The following ADAM29 variants were observed in gnomAD, a reference collection of about 807,000 sequenced individuals.
ADAM29 encodes the protein ADAM metallopeptidase domain 29.
For synonymous variants in ADAM29, 367 were observed against 342.3 expected, an observed-to-expected ratio of 1.07 and a Z score of -0.80; for missense variants, 969 against 1,001.8, an observed-to-expected ratio of 0.97 and a Z score of 0.44.
Position 174,975,739 on chromosome 4 carries a change from C to A in ADAM29, c.214C>A (p.Leu72Ile). ...CATTATCCACATAAAGGTCAAGAAG[C>A]TTTTGTTTTCCAAACACCTCCCTGT... Reference protein sequence around the residue: ...KHIIHIKVKKLLFSKHLPVFT... With the variant: ...KHIIHIKVKKILFSKHLPVFT... The change falls in exon 5 of 5, where the codon CTT becomes ATT. Residue 72 changes from leucine (L) to isoleucine (I), a missense_variant. Physicochemically the swap from Leu to Ile is conservative, Grantham distance 5 (BLOSUM62 2). Transcript: ENST00000359240. 5 of 1,612,404 alleles carry A rather than the reference C, an allele frequency of 3.1e-6. No individual in the cohort carries two copies. Among genetic ancestry groups the A allele is most frequent in the Admixed American group, 1.7e-5 (1 of 59,822 alleles).
chr4:174,941,121 T>C (rs947033689), intron 4 of ADAM29, among the ~76,000 whole-genome samples: 9 of 152,208 alleles, frequency 5.9e-5, no homozygotes, highest in Non-Finnish European at 1.3e-4. Flanking sequence ...AATTAAGGAT[T>C]ATAGATGGTA....
chr4:174,959,441 G>A (rs1415286964), intron 4 of ADAM29, among the ~76,000 whole-genome samples: 1 of 149,004 alleles, frequency 6.7e-6, no homozygotes, highest in Non-Finnish European at 1.5e-5. Flanking sequence ...ACTGTGGTTT[G>A]TGTGTATGAG....
chr4:174,948,252 C>T (rs1744964561), intron 4 of ADAM29, among the ~76,000 whole-genome samples: 1 of 152,174 alleles, frequency 6.6e-6, no homozygotes. Flanking sequence ...TTTGAGTTGA[C>T]AGAGTTCTCA....
At chr4:174,919,321 T>G (rs541308609) in intron 1 of ADAM29, among the ~76,000 whole-genome samples, 1 of 152,324 alleles carries the variant, frequency 6.6e-6, no homozygotes, top group African/African-American at 2.4e-5. Context: ...GAGATGATTC[T>G]TTGGGTCTCA....
chr4:174,975,835 G>C lies in ADAM29; in HGVS notation c.310G>C (p.Gly104Arg), dbSNP rs1453187896. The C allele has an allele frequency of 7.4e-6, 12 of 1,614,028 alleles. No homozygotes were observed. Among genetic ancestry groups the C allele is most frequent in the Non-Finnish European group, 1.0e-5 (12 of 1,180,020 alleles). Residue 104 changes from glycine to arginine, a missense_variant, in exon 5 of 5, where the codon GGT becomes CGT. Gly to Arg is a moderately radical substitution (Grantham distance 125, BLOSUM62 -2). Coordinates refer to ENST00000359240, the MANE Select transcript of ADAM29 (RefSeq NM_014269.4). ...PFVQNNCYYH[G>R]YVEGDPESLV... is the part of the protein sequence containing the mutation. ...TGTCCAGAATAACTGCTACTATCAT[G>C]GTTATGTGGAAGGGGACCCAGAATC...
At chr4:174,935,826 G>A (rs1222308607) in intron 3 of ADAM29, among the ~76,000 whole-genome samples, 3 of 151,940 alleles carry the variant, frequency 2.0e-5, no homozygotes, top group African/African-American at 7.2e-5. Flanking sequence ...GTTTGCTCCT[G>A]GATTACATGA....
intron 2 of ADAM29, among the ~76,000 whole-genome samples, chr4:174,926,779 C>T (rs1474168928): frequency 6.7e-6 from 1 of 150,330 alleles, no homozygotes; most frequent in Non-Finnish European, 1.5e-5. Flanking sequence ...TCCCCAGTTT[C>T]AATTTCTATT....
intron 2 of ADAM29, among the ~76,000 whole-genome samples, chr4:174,929,800 A>G (rs1201104095): frequency 6.8e-6 from 1 of 147,616 alleles, no homozygotes; most frequent in Non-Finnish European, 1.5e-5. Flanking sequence ...TCTGTTGCCC[A>G]GGCTGGAGTG....
intron 4 of ADAM29, among the ~76,000 whole-genome samples, chr4:174,956,717 C>T (rs757361859): frequency 2.6e-5 from 4 of 151,682 alleles, no homozygotes; most frequent in East Asian, 3.9e-4. Flanking sequence ...ATTCTCCTAC[C>T]GTCTCTGTAA....
chr4:174,971,579 A>T lies in ADAM29; in HGVS notation c.-180-3767A>T, dbSNP rs1034956648. On this transcript the variant is annotated intron_variant, in intron 4 of 4. Coordinates refer to ENST00000359240, the MANE Select transcript of ADAM29 (RefSeq NM_014269.4). ...TTCTGCTGAAAATTCAGATAGTTTC[A>T]TGGACATTTTCTTTTATATGACAAG... 1.8e-4 allele frequency among the ~76,000 whole-genome samples: 28 copies of T among 152,228 alleles called. No individual in the cohort carries two copies. In the South Asian group the frequency reaches 2.5e-3, roughly 14 times the overall value.
chr4:174,943,819 A>G (rs1252047699), intron 4 of ADAM29, among the ~76,000 whole-genome samples: 1 of 71,654 alleles, frequency 1.4e-5, no homozygotes, highest in African/African-American at 3.3e-5. Flanking sequence ...TGTACAGGAA[A>G]AAAAAAAAAG....
intron 4 of ADAM29, among the ~76,000 whole-genome samples, chr4:174,966,729 G>A (rs79252102): frequency 6.6e-6 from 1 of 152,258 alleles, no homozygotes; most frequent in East Asian, 1.9e-4. Flanking sequence ...TAGCTGGCCT[G>A]GGTTAGTCAA....
At position 174,978,032 on chromosome 4, in the gene ADAM29, C is replaced by T. The variant is rs138462526; in HGVS notation, c.*44C>T. ...CCTTCCCAGAGTCAACCTCCTGTGACGCCCTCCCAGAGCCAACCTCGGGTG... is the reference window on the plus strand; with the variant it reads ...CCTTCCCAGAGTCAACCTCCTGTGATGCCCTCCCAGAGCCAACCTCGGGTG... On this transcript the variant is annotated 3_prime_UTR_variant, in exon 5 of 5. Coordinates refer to ENST00000359240, the MANE Select transcript of ADAM29 (RefSeq NM_014269.4). 478 of 1,600,318 alleles carry T rather than the reference C, an allele frequency of 3.0e-4. 1 individual carries two copies. In the African/African-American group the frequency reaches 4.9e-3, roughly 16 times the overall value.
At chr4:174,972,973 T>C (rs1363663456) in intron 4 of ADAM29, among the ~76,000 whole-genome samples, 1 of 152,202 alleles carries the variant, frequency 6.6e-6, no homozygotes, top group African/African-American at 2.4e-5. Context: ...GCCAGACCCA[T>C]TCGAGCTCTA....
intron 2 of ADAM29, among the ~76,000 whole-genome samples, chr4:174,921,254 A>C (rs1743144865): frequency 6.6e-6 from 1 of 152,202 alleles, no homozygotes; most frequent in East Asian, 1.9e-4. Flanking sequence ...AGAGAAATAA[A>C]AGCTATAATA....
chr4:174,975,517 T>C lies in ADAM29; in HGVS notation c.-9T>C. The C allele has an allele frequency of 1.3e-6, 2 of 1,499,726 alleles. No homozygotes were observed. The highest frequency in any genetic ancestry group is 1.4e-5 in the South Asian group (1 of 71,458). The allele number at this position is 1,499,726 out of a possible 1,614,324, so 92.9% of individuals were successfully genotyped here. A position where few individuals can be genotyped will look rare whatever the true frequency, so the allele number is the denominator to read the frequency against. On this transcript the variant is annotated 5_prime_UTR_variant, in exon 5 of 5. Coordinates refer to ENST00000359240, the MANE Select transcript of ADAM29 (RefSeq NM_014269.4). ...TTCAAAATCACTGTGATTTGAAGCCTTTTTGAACATGAAGATGTTACTCCT... is the reference window on the plus strand; with the variant it reads ...TTCAAAATCACTGTGATTTGAAGCCCTTTTGAACATGAAGATGTTACTCCT...
At chr4:174,963,218 G>C (rs922788369) in intron 4 of ADAM29, among the ~76,000 whole-genome samples, 2 of 152,092 alleles carry the variant, frequency 1.3e-5, no homozygotes, top group African/African-American at 4.8e-5. Context: ...TGGCTAACAG[G>C]GTGAGGGGGA....
At chr4:174,923,525 GTATATATAT>G (rs1579000757) in intron 2 of ADAM29, among the ~76,000 whole-genome samples, 24 of 96,664 alleles carry the variant, frequency 2.5e-4, no homozygotes, top group African/African-American at 6.8e-4. Context: ...TGCATTATAT[GTATATATAT>G]ATATATATAT....
At position 174,978,074 on chromosome 4, in the gene ADAM29, A is replaced by C; in HGVS notation, c.*86A>C. 1 of 1,571,654 alleles carries C rather than the reference A, an allele frequency of 6.4e-7. No individual in the cohort carries two copies. The highest frequency in any genetic ancestry group is 2.3e-5 in the East Asian group (1 of 44,390). On this transcript the variant is annotated 3_prime_UTR_variant, in exon 5 of 5. Coordinates refer to ENST00000359240, the MANE Select transcript of ADAM29 (RefSeq NM_014269.4). ...CCTCGGGTGACACCCTCCCAGAGTCAACCTCATGTGACACCTTACCGGAGT... is the reference window on the plus strand; with the variant it reads ...CCTCGGGTGACACCCTCCCAGAGTCCACCTCATGTGACACCTTACCGGAGT...
Sources: allele counts gnomAD v4.1 joint callset (sites outside exome capture counted in the v4.1 genomes callset), GRCh38; gene constraint gnomAD v4.1.1; transcripts MANE v1.5; gene names NCBI Gene and HGNC (gene_info 2026-07-23, HGNC 2026-07-21).